Variants in KANSL1 observed in about 807,000 individuals in gnomAD.
The protein encoded by KANSL1 is KAT8 regulatory NSL complex subunit 1, also known as MLL1/MLL complex subunit KANSL1.
In KANSL1, 22 loss-of-function variants were observed where a neutral mutation model predicts 103.6. The ratio of observed to expected loss-of-function variants is 0.21; its 90% CI spans 0.15 to 0.30. The LOEUF (loss-of-function observed/expected upper bound fraction) is 0.30, where lower values mean the gene tolerates loss of function less well. Among genes scored for constraint, KANSL1 ranks in the 10% least tolerant of loss-of-function variants. The pLI is 1.00. For missense variants in KANSL1, 1,337 were observed against 1,399.8 expected, an observed-to-expected ratio of 0.96 and a Z score of 0.72; for synonymous variants, 600 against 527.6, an observed-to-expected ratio of 1.14 and a Z score of -1.88.
At chr17:46,177,533 A>C (rs1414347782) in intron 1 of KANSL1, among the ~76,000 whole-genome samples, 1 of 152,242 alleles carries the variant, frequency 6.6e-6, no homozygotes, top group Non-Finnish European at 1.5e-5. Context: ...AGCTATATTT[A>C]CTAACATAGA....
Position 46,207,912 on chromosome 17 carries a change from A to G in KANSL1, c.-90+15759T>C, listed in dbSNP as rs543621874. Among the ~76,000 whole-genome samples the G allele has an allele frequency of 3.9e-5, 6 of 152,308 alleles. No homozygotes were observed. The East Asian group carries it at 5.8e-4, about 15-fold the overall frequency. On this transcript the variant is annotated intron_variant, in intron 1 of 14. Transcript: ENST00000572904. Reference sequence around the variant, plus strand: ...GATCACCTGATGTCAAGAGTTTGAGACCAGCCTGGCCAACATGGTGAAACC... The same window carrying G: ...GATCACCTGATGTCAAGAGTTTGAGGCCAGCCTGGCCAACATGGTGAAACC...
intron 1 of KANSL1, among the ~76,000 whole-genome samples, chr17:46,209,730 G>A (rs376403193): frequency 2.6e-5 from 4 of 152,360 alleles, no homozygotes; most frequent in African/African-American, 9.6e-5. Context: ...CTGACCTCAA[G>A]TGATTCACCC....
chr17:46,096,311 C>CTTTCTTTCTTTTTTTTTTTT (rs753073992), intron 2 of KANSL1, among the ~76,000 whole-genome samples: 1 of 76,408 alleles, frequency 1.3e-5, no homozygotes, highest in Admixed American at 1.7e-4. Flanking sequence ...GCTTTTTTTT[C>CTTTCTTTCTTTTTTTTTTTT]TTTTTTTTTT....
At chr17:46,095,198 C>G (rs2042009552) in intron 2 of KANSL1, among the ~76,000 whole-genome samples, 1 of 152,098 alleles carries the variant, frequency 6.6e-6, no homozygotes, top group Non-Finnish European at 1.5e-5. Context: ...AAAATAACGC[C>G]TGAAAGCATG....
At chr17:46,159,505 C>A (rs576040767) in intron 2 of KANSL1, among the ~76,000 whole-genome samples, 1 of 152,188 alleles carries the variant, frequency 6.6e-6, no homozygotes, top group African/African-American at 2.4e-5. Context: ...TGAAATGACA[C>A]AAATACAGAC....
intron 2 of KANSL1, among the ~76,000 whole-genome samples, chr17:46,098,420 T>C (rs1396605206): frequency 1.3e-5 from 2 of 152,224 alleles, no homozygotes; most frequent in African/African-American, 4.8e-5. Context: ...CACACCTTTT[T>C]CATCCTGGCA....
intron 1 of KANSL1, among the ~76,000 whole-genome samples, chr17:46,181,876 T>C (rs2046811031): frequency 6.6e-6 from 1 of 151,916 alleles, no homozygotes; most frequent in Admixed American, 6.6e-5. Flanking sequence ...TGGAAGGTCC[T>C]TCTTCTACTT....
intron 7 of KANSL1, among the ~76,000 whole-genome samples, chr17:46,048,240 A>G (rs1006058866): frequency 6.6e-6 from 1 of 152,122 alleles, no homozygotes; most frequent in Non-Finnish European, 1.5e-5. Context: ...GCAAATACAC[A>G]AACAGCCATA....
At chr17:46,143,803 C>CAAAAAAAAAAAAAAAAA (rs57361021) in intron 2 of KANSL1, among the ~76,000 whole-genome samples, 181 of 85,496 alleles carry the variant, frequency 2.1e-3, no homozygotes, top group Middle Eastern at 7.1e-3. Flanking sequence ...GACTCCATCT[C>CAAAAAAAAAAAAAAAAA]AAAAAAAAAA....
chr17:46,130,348 G>C (rs551139812), intron 2 of KANSL1, among the ~76,000 whole-genome samples: 3 of 152,144 alleles, frequency 2.0e-5, no homozygotes, highest in African/African-American at 7.2e-5. Context: ...AGCCCAAGTT[G>C]AGAATCACCA....
chr17:46,159,350 T>C (rs1172661687), intron 2 of KANSL1, among the ~76,000 whole-genome samples: 3 of 152,250 alleles, frequency 2.0e-5, no homozygotes, highest in Admixed American at 2.0e-4. Flanking sequence ...CCAGAATTCT[T>C]TCTACTCTCT....
chr17:46,184,454 G>C (rs1181168931), intron 1 of KANSL1, among the ~76,000 whole-genome samples: 2 of 152,014 alleles, frequency 1.3e-5, no homozygotes, highest in South Asian at 4.1e-4. Flanking sequence ...AGAAAGGGAA[G>C]AAAAAAGGAA....
At chr17:46,206,677 ATTAAAT>A in intron 1 of KANSL1, among the ~76,000 whole-genome samples, 1 of 152,266 alleles carries the variant, frequency 6.6e-6, no homozygotes, top group East Asian at 1.9e-4. Flanking sequence ...ATTAATTCTA[ATTAAAT>A]TTAAACACGG....
intron 6 of KANSL1, among the ~76,000 whole-genome samples, chr17:46,055,281 T>C (rs1454359369): frequency 1.3e-5 from 2 of 151,826 alleles, no homozygotes; most frequent in Admixed American, 6.5e-5. Context: ...CTGACCAACA[T>C]GGTGAAACCT....
chr17:46,091,904 T>C (rs1303542344), intron 3 of KANSL1, among the ~76,000 whole-genome samples: 1 of 152,148 alleles, frequency 6.6e-6, no homozygotes. Flanking sequence ...CTGCACCCTG[T>C]CTCCCAGGTT....
intron 6 of KANSL1, among the ~76,000 whole-genome samples, chr17:46,064,053 T>TAAAAAAAAAAAAA (rs58111244): frequency 5.7e-5 from 6 of 105,738 alleles, no homozygotes; most frequent in Admixed American, 1.0e-4. Flanking sequence ...CGACTATTAG[T>TAAAAAAAAAAAAA]AAAAAAAAAA....
At chr17:46,181,867 G>A (rs1226213335) in intron 1 of KANSL1, among the ~76,000 whole-genome samples, 1 of 151,928 alleles carries the variant, frequency 6.6e-6, no homozygotes, top group Non-Finnish European at 1.5e-5. Context: ...ACCTCTACCT[G>A]GAAGGTCCTT....
intron 1 of KANSL1, among the ~76,000 whole-genome samples, chr17:46,214,676 C>T (rs568201333): frequency 2.6e-5 from 4 of 151,966 alleles, no homozygotes; most frequent in African/African-American, 9.7e-5. Flanking sequence ...GAAACAAAAA[C>T]AGCAAGCAGT....
intron 4 of KANSL1, among the ~76,000 whole-genome samples, chr17:46,081,930 G>A (rs1202767266): frequency 3.9e-5 from 6 of 152,160 alleles, no homozygotes. Flanking sequence ...CTATGGTATT[G>A]AGAGAAACCA....
Sources: allele counts gnomAD v4.1 joint callset (sites outside exome capture counted in the v4.1 genomes callset), GRCh38; gene constraint gnomAD v4.1.1; transcripts MANE v1.5; gene names NCBI Gene and HGNC (gene_info 2026-07-23, HGNC 2026-07-21).